Variants in ZNF541 observed in about 807,000 individuals in gnomAD.
ZNF541 encodes zinc finger protein 541.
A neutral mutation model predicts 123.5 loss-of-function variants in ZNF541; 23 were observed. The ratio of observed to expected loss-of-function variants is 0.19; its 90% confidence interval spans 0.13 to 0.26. The LOEUF is 0.26. Among genes scored for constraint, ZNF541 ranks in the 10% least tolerant of loss-of-function variants. The probability of loss-of-function intolerance (pLI) is 1.00; values close to 1 mark genes in which losing one functional copy is unlikely to be tolerated. For missense variants in ZNF541, 1,612 were observed against 1,789.9 expected (o/e 0.90, Z 1.79); for synonymous variants, 751 against 754.5 (o/e 1.00, Z 0.08).
At chr19:47,540,442 CTT>C (rs776309064) in intron 6 of ZNF541, 107 bp from the exon 7 acceptor site, 9,186 of 918,442 alleles carry the variant, frequency 0.01, no homozygotes, top group South Asian at 0.017. Context: ...AATCCACTGA[CTT>C]TTTTTTTTTT....
At position 47,555,796 on chromosome 19, in the gene ZNF541, A is replaced by T. The variant is rs566557215; in HGVS notation, c.61T>A (p.Phe21Ile). Residue 21 changes from phenylalanine (F) to isoleucine (I), a missense_variant, in exon 3 of 17, where the codon TTT becomes ATT. Physicochemically the swap from Phe to Ile is conservative, Grantham distance 21. Transcript: ENST00000391901. ...ALPSEMHLPS[F>I]SESQGLNCSD... ...CAGTTGAGCCCTTGGCTCTCTGAAA[A>T]TGAAGGGAGGTGCATTTCTGATGGG... is the stretch of plus-strand genomic sequence containing the variant. The T allele has an allele frequency of 1.1e-4, 173 of 1,551,622 alleles. No individual in the cohort carries two copies. The African/African-American group carries it at 2.2e-3, about 20-fold the overall frequency.
intron 12 of ZNF541, among the ~76,000 whole-genome samples, 183 bp downstream of exon 12, chr19:47,531,459 G>A (rs556397975): frequency 4.6e-5 from 7 of 152,072 alleles, no homozygotes; most frequent in Non-Finnish European, 7.4e-5. Flanking sequence ...TTGGGCCCAC[G>A]TCTTAGCATT....
In ZNF541 at chr19:47,540,214, C is replaced by A. The variant is rs1337373328; in HGVS notation, c.2584G>T (p.Asp862Tyr). ...GLSSHMCFHS[D>Y]QWPSPRGKQE... is the part of the protein sequence containing the mutation. ...TTCCCTCGAGGTGACGGCCACTGGTCGCTGTGAAAACACATGTGGCTGCTC... is the reference window on the plus strand; with the variant it reads ...TTCCCTCGAGGTGACGGCCACTGGTAGCTGTGAAAACACATGTGGCTGCTC... The change falls in exon 7 of 17, where the codon GAC becomes TAC. Residue 862 changes from aspartate (D) to tyrosine (Y), a missense_variant. Physicochemically the swap from Asp to Tyr is radical, Grantham distance 160 (BLOSUM62 -3). Transcript: ENST00000391901. 1.9e-6 allele frequency: 3 copies of A among 1,551,486 alleles called. No individual in the cohort carries two copies. Among genetic ancestry groups the A allele is most frequent in the African/African-American group, 2.7e-5 (2 of 73,034 alleles).
chr19:47,555,451 A>C, intron 3 of ZNF541, 99 bp downstream of exon 3: 9 of 1,240,072 alleles, frequency 7.3e-6, no homozygotes, highest in Non-Finnish European at 9.7e-6. Flanking sequence ...TGTAGGAGGG[A>C]AAAATTTTCT....
chr19:47,533,277 G>A (rs1401079867), intron 9 of ZNF541, among the ~76,000 whole-genome samples: 1 of 148,292 alleles, frequency 6.7e-6, no homozygotes, highest in Admixed American at 6.9e-5. Context: ...GAAGAATGGC[G>A]TGAACCCAGG....
At chr19:47,557,980 C>G (rs1207807119) in intron 2 of ZNF541, among the ~76,000 whole-genome samples, 2 of 151,628 alleles carry the variant, frequency 1.3e-5, no homozygotes, top group African/African-American at 2.4e-5. Context: ...TTATTCCCCC[C>G]AAAATGGGCA....
At chr19:47,571,246 G>A (rs1359776505) in intron 2 of ZNF541, among the ~76,000 whole-genome samples, 1 of 151,878 alleles carries the variant, frequency 6.6e-6, no homozygotes, top group Non-Finnish European at 1.5e-5. Context: ...CCCAGTAGCT[G>A]GGACTACAGG....
chr19:47,573,129 G>A lies in ZNF541; in HGVS notation c.-292C>T, dbSNP rs893507492. ...CCGGGCCTCGCGCCTGGCGCCTCGC[G>A]GGGCTCCCAGCGGCCTCCCGCCTTC... On this transcript the variant is annotated 5_prime_UTR_variant, in exon 1 of 17. Transcript: ENST00000391901. Among the ~76,000 whole-genome samples, 3 of 149,626 alleles carry A rather than the reference G, an allele frequency of 2.0e-5. No homozygotes were observed. The highest frequency in any genetic ancestry group is 4.5e-5 in the Non-Finnish European group (3 of 67,204).
chr19:47,572,794 T>C (rs1373888399), intron 1 of ZNF541, among the ~76,000 whole-genome samples: 1 of 119,490 alleles, frequency 8.4e-6, no homozygotes. Flanking sequence ...GAAAAGGGGG[T>C]GCAGCGGGCC....
intron 1 of ZNF541, among the ~76,000 whole-genome samples, chr19:47,572,709 G>C (rs1484412877): frequency 6.6e-6 from 1 of 151,924 alleles, no homozygotes. Flanking sequence ...AAGGTGGGGA[G>C]GTCGGGTAGG....
chr19:47,521,431 G>A lies in ZNF541; in HGVS notation c.3887+48C>T. ...AGAGCAGGGAGGAAGGGATCACAGG[G>A]GCTGAGGCTGGGAGCCCTGGGAGTG... On this transcript the variant is annotated intron_variant, in intron 16 of 16. Coordinates refer to ENST00000391901, the MANE Select transcript of ZNF541 (RefSeq NM_001277075.3). The surrounding 1 kb of genome is among the most constrained non-coding windows in gnomAD (Gnocchi z 4.2). 1 of 1,550,648 alleles carries A rather than the reference G, an allele frequency of 6.4e-7. No homozygotes were observed. Among genetic ancestry groups the A allele is most frequent in the Non-Finnish European group, 8.7e-7 (1 of 1,146,056 alleles).
intron 14 of ZNF541, among the ~76,000 whole-genome samples, chr19:47,523,330 C>T (rs1213231679): frequency 8.2e-6 from 1 of 121,228 alleles, no homozygotes; most frequent in South Asian, 2.4e-4. Flanking sequence ...GCCCGGCGAG[C>T]GTCTCTTTTA....
chr19:47,544,059 G>T, intron 5 of ZNF541, 67 bp downstream of exon 5: 1 of 1,445,406 alleles, frequency 6.9e-7, no homozygotes, highest in South Asian at 1.4e-5. Flanking sequence ...TAAAATGCCT[G>T]GACAACTAAC....
intron 12 of ZNF541, among the ~76,000 whole-genome samples, chr19:47,530,669 C>T (rs1306716476): frequency 2.6e-5 from 4 of 151,586 alleles, no homozygotes; most frequent in Non-Finnish European, 4.4e-5. Context: ...TTTTTTGAGA[C>T]GGAGTCTCAC....
At chr19:47,570,861 T>C (rs899398089) in intron 2 of ZNF541, among the ~76,000 whole-genome samples, 6 of 150,772 alleles carry the variant, frequency 4.0e-5, no homozygotes, top group East Asian at 2.0e-4. Context: ...GGCAGGAGAA[T>C]TGCTTGAACC....
intron 9 of ZNF541, among the ~76,000 whole-genome samples, chr19:47,534,793 A>G (rs142363079): frequency 1.1e-4 from 16 of 152,310 alleles, no homozygotes; most frequent in African/African-American, 3.8e-4. Flanking sequence ...GTTTATGGTC[A>G]ATTGATTTCT....
intron 12 of ZNF541, among the ~76,000 whole-genome samples, chr19:47,531,090 A>G (rs565613665): frequency 6.6e-6 from 1 of 152,224 alleles, no homozygotes; most frequent in South Asian, 2.1e-4. Context: ...GACCTGCTAT[A>G]TGCCAGACAC....
chr19:47,524,582 C>T (rs1406082290), intron 14 of ZNF541, among the ~76,000 whole-genome samples: 3 of 151,938 alleles, frequency 2.0e-5, no homozygotes, highest in Admixed American at 6.6e-5. Flanking sequence ...GTGGCACGCA[C>T]CTGTAATCCC....
rs1176976711 is a variant in ZNF541, at chr19:47,555,933, A to G, written c.-77T>C. 2.9e-6 allele frequency: 4 copies of G among 1,380,630 alleles called. No individual in the cohort carries two copies. Among genetic ancestry groups the G allele is most frequent in the Non-Finnish European group, 3.9e-6 (4 of 1,031,934 alleles). 85.5% of individuals were successfully genotyped at this position (1,380,630 alleles called of 1,614,324 possible). ...CCATGTAAGGAGACAGGGAGGAGAG[A>G]GCCCTTGATGGCAACTAATTCCTGA... On this transcript the variant is annotated 5_prime_UTR_variant, in exon 3 of 17. Coordinates refer to ENST00000391901, the MANE Select transcript of ZNF541 (RefSeq NM_001277075.3).
Sources: gnomAD v4.1 joint callset for allele counts (sites outside exome capture counted in the v4.1 genomes callset) on GRCh38, gnomAD v4.1.1 for gene constraint, Gnocchi (gnomAD v3.1) non-coding constraint, MANE v1.5 for transcripts, NCBI Gene and HGNC (gene_info 2026-07-23, HGNC 2026-07-21) for gene names.